The following MAZ variants were observed in gnomAD, a reference collection of about 807,000 sequenced individuals.
MAZ encodes the protein myc-associated zinc finger protein.
In MAZ, 4 loss-of-function variants were observed where a neutral mutation model predicts 32.7. That is an observed-to-expected ratio of 0.12 (90% confidence interval 0.06 to 0.28). The LOEUF (loss-of-function observed/expected upper bound fraction) is 0.28, where lower values mean the gene tolerates loss of function less well. MAZ is among the 10% of genes least tolerant of loss of function. The pLI, the probability that MAZ is intolerant of heterozygous loss-of-function variation, is 1.00. For missense variants in MAZ, 763 were observed against 667.2 expected, an observed-to-expected ratio of 1.14 and a Z score of -1.58; for synonymous variants, 510 against 297.6, an observed-to-expected ratio of 1.71 and a Z score of -7.35.
chr16:29,807,445 C>A lies in MAZ; in HGVS notation c.660C>A (p.Val220=). 6.2e-7 allele frequency: 1 copy of A among 1,612,414 alleles called. No individual in the cohort carries two copies. The highest frequency in any genetic ancestry group is 8.5e-7 in the Non-Finnish European group (1 of 1,179,738). Residue 220 remains valine (V), a synonymous_variant, in exon 2 of 5, where the codon GTC becomes GTA. Transcript: ENST00000322945. The stretch of plus-strand genomic sequence containing the variant: ...ACACGGGAGCCAAGGCCGGCCGGGT[C>A]CCCTCGGGTGCTATGAAGATGCCGA... ...AIHTGAKAGR[V]PSGAMKMPTM...
In MAZ at chr16:29,806,593, C is replaced by T. The variant is rs1315406008; in HGVS notation, c.-109C>T. ...CGGGGCGGCCCGCGGGCCATGCGTT[C>T]GGCGCGGCCCAGCCCGGCCGGCCGG... On this transcript the variant is annotated 5_prime_UTR_variant, in exon 1 of 5. Transcript: ENST00000322945. The T allele has an allele frequency of 3.1e-6, 3 of 966,324 alleles. No individual in the cohort carries two copies. The highest frequency in any genetic ancestry group is 5.3e-4 in the Middle Eastern group (1 of 1,876). The allele number at this position is 966,324 out of a possible 1,614,324, so 59.9% of individuals were successfully genotyped here. A position where few individuals can be genotyped will look rare whatever the true frequency, so the allele number is the denominator to read the frequency against.
rs373402143 is a variant in MAZ at position 29,810,162 on chromosome 16, T to C, written c.1365T>C (p.Ala455=). 1 of 1,611,108 alleles carries C rather than the reference T, an allele frequency of 6.2e-7. No homozygotes were observed. The change falls in exon 5 of 5, where the codon GCT becomes GCC. Residue 455 remains alanine, a synonymous_variant. Transcript: ENST00000322945. ...AAAAVAAPPT[A]VGSLSGAEGV... ...CAGCAGTAGCAGCCCCTCCCACAGC[T>C]GTGGGCTCCCTCTCGGGGGCGGAGG...
rs1567376266 is a variant in MAZ, at chr16:29,811,115, C to T, written c.*884C>T. ...CCCCTGCATGTACCCCACCCTCCAC[C>T]CCTTCCTTTTGCGCGGACCCCATTA... On this transcript the variant is annotated 3_prime_UTR_variant, in exon 5 of 5. Coordinates refer to ENST00000322945, the MANE Select transcript of MAZ (RefSeq NM_002383.4). 1.1e-5 allele frequency: 5 copies of T among 448,514 alleles called. No individual in the cohort carries two copies. Among genetic ancestry groups the T allele is most frequent in the Admixed American group, 2.4e-5 (1 of 41,336 alleles). The allele number at this position is 448,514 out of a possible 1,614,324, so 27.8% of individuals were successfully genotyped here. A position where few individuals can be genotyped will look rare whatever the true frequency, so the allele number is the denominator to read the frequency against.
At chr16:29,806,125 C>T (rs1257925929), upstream of MAZ, 4 of 1,078,694 alleles carry the variant, frequency 3.7e-6, no homozygotes, top group South Asian at 1.8e-5. Flanking sequence ...GCGCGAGCCA[C>T]CTCCCTCCCT....
Position 29,808,407 on chromosome 16 carries a change from C to G in MAZ, c.1107+114C>G, listed in dbSNP as rs73528341. 29 of 1,149,036 alleles carry G rather than the reference C, an allele frequency of 2.5e-5. 1 individual carries two copies. In the Admixed American group the frequency reaches 2.9e-4, roughly 11 times the overall value. 71.2% of individuals were successfully genotyped at this position (1,149,036 alleles called of 1,614,324 possible). A position where few individuals can be genotyped will look rare whatever the true frequency, so the allele number is the denominator to read the frequency against. On this transcript the variant is annotated intron_variant, in intron 3 of 4. Coordinates refer to ENST00000322945, the MANE Select transcript of MAZ (RefSeq NM_002383.4). ...TCTCTCTTCTTTTTGCCTTTTTGCTCCATTTTCTCATCCCTTCTTCAAGGC... is the reference window on the plus strand; with the variant it reads ...TCTCTCTTCTTTTTGCCTTTTTGCTGCATTTTCTCATCCCTTCTTCAAGGC...
Position 29,807,787 on chromosome 16 carries a change from C to G in MAZ, c.1002C>G (p.His334Gln). 6.2e-7 allele frequency: 1 copy of G among 1,611,354 alleles called. No homozygotes were observed. The highest frequency in any genetic ancestry group is 8.5e-7 in the Non-Finnish European group (1 of 1,179,932). The change falls in exon 2 of 5, where the codon CAC (histidine) becomes CAG (glutamine). Residue 334 changes from histidine to glutamine, a missense_variant. By Grantham distance (24) the His-to-Gln change is conservative. Coordinates refer to ENST00000322945, the MANE Select transcript of MAZ (RefSeq NM_002383.4). ...YHVRSHDGAV[H>Q]KPYNCSHCGK... ...TGCGCTCACATGACGGCGCTGTGCA[C>G]AAGCCCTACAACTGCTCCCACTGTG...
Position 29,806,987 on chromosome 16 carries a change from GCGCCCC to G in MAZ, c.208_213del (p.Pro70_Pro71del), listed in dbSNP as rs1899518712. Reference sequence around the variant, plus strand: ...CGCCTTGTCTCCGCAGGCCGCGCCGGCGCCCCCGCCCACGCCCCAGGCCCCGGCGGC... The same window carrying G: ...CGCCTTGTCTCCGCAGGCCGCGCCGGCGCCCACGCCCCAGGCCCCGGCGGC... On this transcript the variant is annotated inframe_deletion, in exon 2 of 5. Transcript: ENST00000322945. 9.8e-7 allele frequency: 1 copy of G among 1,018,568 alleles called. No homozygotes were observed. The highest frequency in any genetic ancestry group is 1.8e-5 in the African/African-American group (1 of 56,862). 63.1% of individuals were successfully genotyped at this position (1,018,568 alleles called of 1,614,324 possible). A position where few individuals can be genotyped will look rare whatever the true frequency, so the allele number is the denominator to read the frequency against.
intron 4 of MAZ, 58 bp downstream of exon 4, chr16:29,808,799 G>A (rs776704636): frequency 3.9e-6 from 6 of 1,555,548 alleles, no homozygotes; most frequent in African/African-American, 1.4e-5. Flanking sequence ...CTGGCCAGAC[G>A]CCTTGCCACG....
Position 29,810,450 on chromosome 16 carries a change from C to T in MAZ, c.*219C>T, listed in dbSNP as rs11559000. The T allele has an allele frequency of 6.9e-3, 4,916 of 716,406 alleles. 38 individuals carry two copies. The highest frequency in any genetic ancestry group is 9.7e-3 in the Non-Finnish European group (3,837 of 397,522). 44.4% of individuals were successfully genotyped at this position (716,406 alleles called of 1,614,324 possible). On this transcript the variant is annotated 3_prime_UTR_variant, in exon 5 of 5. Transcript: ENST00000322945. ...CAGACCTGACCCCACACAAACCTGT[C>T]CCCTCGGTTGTGTTGAAGTCCCCTG...
At chr16:29,806,134 C>CG, upstream of MAZ, 1 of 1,289,064 alleles carries the variant, frequency 7.8e-7, no homozygotes, top group Non-Finnish European at 1.0e-6. Context: ...ACCTCCCTCC[C>CG]TCCCTCCGCC....
At position 29,810,276 on chromosome 16, in the gene MAZ, C is replaced by T. The variant is rs757012577; in HGVS notation, c.*45C>T. On this transcript the variant is annotated 3_prime_UTR_variant, in exon 5 of 5. Transcript: ENST00000322945. ...GGAGAGGGGAGAATGGAGTAGAGTC[C>T]CTTGGTACAAGCTCCTCTCCCCCCT... 1.3e-6 allele frequency: 2 copies of T among 1,533,700 alleles called. No homozygotes were observed. Among genetic ancestry groups the T allele is most frequent in the Non-Finnish European group, 1.8e-6 (2 of 1,131,404 alleles).
Position 29,810,446 on chromosome 16 carries a change from C to T in MAZ, c.*215C>T, listed in dbSNP as rs1211611570. 4.2e-6 allele frequency: 3 copies of T among 718,476 alleles called. No homozygotes were observed. Among genetic ancestry groups the T allele is most frequent in the Admixed American group, 2.0e-5 (1 of 49,994 alleles). 44.5% of individuals were successfully genotyped at this position (718,476 alleles called of 1,614,324 possible). A position where few individuals can be genotyped will look rare whatever the true frequency, so the allele number is the denominator to read the frequency against. ...CTGTCAGACCTGACCCCACACAAAC[C>T]TGTCCCCTCGGTTGTGTTGAAGTCC... On this transcript the variant is annotated 3_prime_UTR_variant, in exon 5 of 5. Coordinates refer to ENST00000322945, the MANE Select transcript of MAZ (RefSeq NM_002383.4).
Position 29,806,835 on chromosome 16 carries a change from G to T in MAZ, c.134G>T (p.Gly45Val). 1 of 1,457,152 alleles carries T rather than the reference G, an allele frequency of 6.9e-7. No homozygotes were observed. Among genetic ancestry groups the T allele is most frequent in the Non-Finnish European group, 9.1e-7 (1 of 1,097,978 alleles). 90.3% of individuals were successfully genotyped at this position (1,457,152 alleles called of 1,614,324 possible). The change falls in exon 1 of 5, where the codon GGG (glycine) becomes GTG (valine). Residue 45 changes from glycine to valine, a missense_variant. Gly to Val is a moderately radical substitution (Grantham distance 109, BLOSUM62 -3). Coordinates refer to ENST00000322945, the MANE Select transcript of MAZ (RefSeq NM_002383.4). Reference protein sequence around the residue: ...QGHAQNPLQVGAELQSRFFAS... With the variant: ...QGHAQNPLQVVAELQSRFFAS... ...CACGCCCAGAACCCCCTGCAGGTCG[G>T]GGCTGAGCTCCAGTCCCGCTTCTTT...
chr16:29,807,043 C>T lies in MAZ; in HGVS notation c.258C>T (p.Leu86=). 3.9e-6 allele frequency: 4 copies of T among 1,013,390 alleles called. No homozygotes were observed. Among genetic ancestry groups the T allele is most frequent in the South Asian group, 8.7e-5 (2 of 22,882 alleles). 62.8% of individuals were successfully genotyped at this position (1,013,390 alleles called of 1,614,324 possible). ...CCGAGCCCCTCCAGGTGGACTTGCT[C>T]CCGGTGCTCGCCGCCGCCCAGGAGT... The part of the protein sequence containing the change: ...PAAEPLQVDL[L]PVLAAAQESA... Residue 86 remains leucine, a synonymous_variant, in exon 2 of 5, where the codon CTC becomes CTT. Transcript: ENST00000322945.
rs988314268 is a variant in MAZ at position 29,809,287 on chromosome 16, G to A, written c.1279+546G>A. The A allele has an allele frequency of 5.4e-6, 3 of 552,450 alleles. No homozygotes were observed. In the African/African-American group the frequency reaches 5.8e-5, roughly 11 times the overall value. 34.2% of individuals were successfully genotyped at this position (552,450 alleles called of 1,614,324 possible). A position where few individuals can be genotyped will look rare whatever the true frequency, so the allele number is the denominator to read the frequency against. On this transcript the variant is annotated intron_variant, in intron 4 of 4. Coordinates refer to ENST00000322945, the MANE Select transcript of MAZ (RefSeq NM_002383.4). ...TCAGTGTCTCGTCATCCTGGGAGAG[G>A]TCTCCCGGCCATGGAGAATGAGTTC...
intron 4 of MAZ, 150 bp downstream of exon 4, chr16:29,808,891 C>G (rs1013233389): frequency 2.1e-5 from 14 of 676,190 alleles, no homozygotes; most frequent in Admixed American, 5.8e-5. Context: ...GGGGGGACAC[C>G]TGAATGAACA....
In MAZ at chr16:29,810,633, C is replaced by A; in HGVS notation, c.*402C>A. 1 of 622,062 alleles carries A rather than the reference C, an allele frequency of 1.6e-6. No homozygotes were observed. Among genetic ancestry groups the A allele is most frequent in the Admixed American group, 2.9e-5 (1 of 34,726 alleles). The allele number at this position is 622,062 out of a possible 1,614,324, so 38.5% of individuals were successfully genotyped here. A position where few individuals can be genotyped will look rare whatever the true frequency, so the allele number is the denominator to read the frequency against. On this transcript the variant is annotated 3_prime_UTR_variant, in exon 5 of 5. Transcript: ENST00000322945. ...TCCTCTCCCCCTGCTGTCTGCAGCC[C>A]CTCCCCGGGGAGTTGGTGCTTTCTT...
At chr16:29,808,494 C>T (rs373232993) in intron 3 of MAZ, 76 bp from the exon 4 acceptor site, 16 of 1,096,456 alleles carry the variant, frequency 1.5e-5, no homozygotes, top group East Asian at 1.3e-4. Flanking sequence ...TTCCTTTAAT[C>T]TCTTGCTCCC....
Position 29,806,818 on chromosome 16 carries a change from G to A in MAZ, c.117G>A (p.Gln39=). ...TCCCGCCACCTCAGGGTCACGCCCAGAACCCCCTGCAGGTCGGGGCTGAGC... is the reference window on the plus strand; with the variant it reads ...TCCCGCCACCTCAGGGTCACGCCCAAAACCCCCTGCAGGTCGGGGCTGAGC... ...NSFPPPQGHA[Q]NPLQVGAELQ... The change falls in exon 1 of 5, where the codon CAG becomes CAA. Residue 39 remains glutamine (Q), a synonymous_variant. Coordinates refer to ENST00000322945, the MANE Select transcript of MAZ (RefSeq NM_002383.4). 4.2e-6 allele frequency: 6 copies of A among 1,436,642 alleles called. No individual in the cohort carries two copies. Among genetic ancestry groups the A allele is most frequent in the Non-Finnish European group, 5.5e-6 (6 of 1,087,356 alleles). 89.0% of individuals were successfully genotyped at this position (1,436,642 alleles called of 1,614,324 possible).
Sources: gnomAD v4.1 joint callset for allele counts on GRCh38, gnomAD v4.1.1 for gene constraint, MANE v1.5 for transcripts, NCBI Gene and HGNC (gene_info 2026-07-23, HGNC 2026-07-21) for gene names.